Variants in DIAPH3 observed in about 807,000 individuals in gnomAD.
DIAPH3 encodes protein diaphanous homolog 3.
A neutral mutation model predicts 144.3 loss-of-function variants in DIAPH3; 117 were observed. The ratio of observed to expected loss-of-function variants is 0.81; its 90% confidence interval spans 0.70 to 0.95. The LOEUF (loss-of-function observed/expected upper bound fraction) is 0.95, where lower values mean the gene tolerates loss of function less well. Among genes scored for constraint, DIAPH3 ranks in the 40% least tolerant of loss-of-function variants. The probability of loss-of-function intolerance (pLI) is 0.00; values close to 1 mark genes in which losing one functional copy is unlikely to be tolerated. For synonymous variants in DIAPH3, 519 were observed against 488.9 expected, an observed-to-expected ratio of 1.06 and a Z score of -0.81; for missense variants, 1,421 against 1,412.7, an observed-to-expected ratio of 1.01 and a Z score of -0.09.
intron 17 of DIAPH3, among the ~76,000 whole-genome samples, chr13:59,947,092 T>C (rs978611995): frequency 2.0e-5 from 3 of 152,148 alleles, no homozygotes; most frequent in Non-Finnish European, 2.9e-5. Flanking sequence ...CCACTTAACC[T>C]TCATCAACCA....
At chr13:59,808,428 C>G (rs2040301529) in intron 25 of DIAPH3, among the ~76,000 whole-genome samples, 1 of 151,764 alleles carries the variant, frequency 6.6e-6, no homozygotes, top group South Asian at 2.1e-4. Context: ...TAGCAAAAAT[C>G]TTAAAAAATA....
intron 27 of DIAPH3, among the ~76,000 whole-genome samples, chr13:59,732,561 C>T (rs1360968272): frequency 6.6e-6 from 1 of 151,678 alleles, no homozygotes; most frequent in African/African-American, 2.4e-5. Context: ...CCCACCTCAG[C>T]CTCTCATGTA....
chr13:59,991,370 A>G, intron 11 of DIAPH3, 96 bp from the exon 12 acceptor site: 1 of 836,986 alleles, frequency 1.2e-6, no homozygotes, highest in Non-Finnish European at 2.0e-6. Flanking sequence ...TTGGAACTGT[A>G]ATACAGGCAT....
Position 59,991,300 on chromosome 13 carries a change from T to C in DIAPH3, c.1245-26A>G, listed in dbSNP as rs1279093689. The C allele has an allele frequency of 2.1e-6, 3 of 1,449,802 alleles. No homozygotes were observed. The East Asian group carries it at 6.8e-5, about 33-fold the overall frequency. The allele number at this position is 1,449,802 out of a possible 1,614,324, so 89.8% of individuals were successfully genotyped here. On this transcript the variant is annotated intron_variant, in intron 11 of 27. Coordinates refer to ENST00000400324, the MANE Select transcript of DIAPH3 (RefSeq NM_001042517.2). ...GTGAGTTGATTAAGGAATATATGGA[T>C]TTATTTATACTCTACACCAAACAAC...
In DIAPH3 at chr13:60,108,581, G is replaced by A. The variant is rs186050817; in HGVS notation, c.390+3429C>T. ...AGATCATGCCACTGCACTCCAGCCTGGGTGACACAGCAAGACTCCGTCTCG... is the reference window on the plus strand; with the variant it reads ...AGATCATGCCACTGCACTCCAGCCTAGGTGACACAGCAAGACTCCGTCTCG... On this transcript the variant is annotated intron_variant, in intron 3 of 27. Transcript: ENST00000400324. Among the ~76,000 whole-genome samples, 32 of 152,082 alleles carry A rather than the reference G, an allele frequency of 2.1e-4. 1 individual carries two copies. Among genetic ancestry groups the A allele is most frequent in the Admixed American group, 1.8e-3 (28 of 15,268 alleles).
intron 1 of DIAPH3, among the ~76,000 whole-genome samples, chr13:60,157,991 C>G (rs1952109946): frequency 6.6e-6 from 1 of 152,224 alleles, no homozygotes; most frequent in African/African-American, 2.4e-5. Flanking sequence ...CACCAGAACT[C>G]TGCCCTCTGG....
At chr13:59,960,355 T>C (rs1216728385) in intron 17 of DIAPH3, among the ~76,000 whole-genome samples, 1 of 152,208 alleles carries the variant, frequency 6.6e-6, no homozygotes, top group East Asian at 1.9e-4. Context: ...TAATGGCATA[T>C]AGTTCACTCA....
chr13:59,712,413 C>T (rs1461830115), intron 27 of DIAPH3, among the ~76,000 whole-genome samples: 6 of 152,210 alleles, frequency 3.9e-5, no homozygotes, highest in Non-Finnish European at 8.8e-5. Context: ...TTTTATTCCC[C>T]ATAAACAATC....
chr13:59,934,264 C>CT (rs1483050238), intron 17 of DIAPH3, among the ~76,000 whole-genome samples: 1 of 151,966 alleles, frequency 6.6e-6, no homozygotes, highest in Non-Finnish European at 1.5e-5. Flanking sequence ...AATATTAAGC[C>CT]TTTTAAGTTT....
At chr13:59,822,260 C>T (rs1200516339) in intron 24 of DIAPH3, among the ~76,000 whole-genome samples, 2 of 151,886 alleles carry the variant, frequency 1.3e-5, no homozygotes, top group African/African-American at 2.4e-5. Flanking sequence ...TTATTTTTAT[C>T]TCCCAATTAC....
At chr13:60,142,091 A>C (rs1287588579) in intron 1 of DIAPH3, among the ~76,000 whole-genome samples, 2 of 152,236 alleles carry the variant, frequency 1.3e-5, no homozygotes, top group Non-Finnish European at 1.5e-5. Flanking sequence ...GAGGAGGCAG[A>C]TCAGTCCCAG....
At chr13:59,961,367 C>T (rs1031893731) in intron 17 of DIAPH3, among the ~76,000 whole-genome samples, 5 of 152,308 alleles carry the variant, frequency 3.3e-5, no homozygotes, top group East Asian at 1.9e-4. Context: ...AGAAACTACG[C>T]TGTAAAAGCC....
At chr13:60,083,278 T>C (rs532541910) in intron 4 of DIAPH3, among the ~76,000 whole-genome samples, 2 of 152,176 alleles carry the variant, frequency 1.3e-5, no homozygotes, top group East Asian at 3.9e-4. Flanking sequence ...GAAATCAATA[T>C]ATTGAAAGCT....
At chr13:59,884,406 C>T (rs895853337) in intron 20 of DIAPH3, among the ~76,000 whole-genome samples, 3 of 151,946 alleles carry the variant, frequency 2.0e-5, no homozygotes, top group African/African-American at 7.3e-5. Context: ...CAAAACCATC[C>T]CCCTGCCATC....
At chr13:59,843,925 G>T (rs2042478786) in intron 22 of DIAPH3, among the ~76,000 whole-genome samples, 1 of 152,056 alleles carries the variant, frequency 6.6e-6, no homozygotes, top group Non-Finnish European at 1.5e-5. Context: ...ACAGGGAGGG[G>T]AACAACACAC....
At chr13:60,069,612 T>C (rs904975574) in intron 4 of DIAPH3, among the ~76,000 whole-genome samples, 2 of 152,162 alleles carry the variant, frequency 1.3e-5, no homozygotes, top group Admixed American at 6.6e-5. Context: ...TAGTTTTAGG[T>C]TTTACATTTA....
At chr13:60,103,437 G>GTT (rs2058329142) in intron 3 of DIAPH3, among the ~76,000 whole-genome samples, 1 of 152,090 alleles carries the variant, frequency 6.6e-6, no homozygotes, top group Non-Finnish European at 1.5e-5. Context: ...ATATATACAA[G>GTT]CAGCAAGTTG....
intron 18 of DIAPH3, among the ~76,000 whole-genome samples, chr13:59,921,037 T>C (rs2047483412): frequency 6.6e-6 from 1 of 151,204 alleles, no homozygotes; most frequent in Admixed American, 6.6e-5. Flanking sequence ...AAAAATGTAT[T>C]TAGAAAATTG....
intron 27 of DIAPH3, among the ~76,000 whole-genome samples, chr13:59,716,511 G>A (rs1199992801): frequency 1.3e-5 from 2 of 152,146 alleles, no homozygotes; most frequent in Non-Finnish European, 2.9e-5. Context: ...TAACAAAGAA[G>A]AAGTATCAGC....
Sources: gnomAD v4.1 joint callset for allele counts (sites outside exome capture counted in the v4.1 genomes callset) on GRCh38, gnomAD v4.1.1 for gene constraint, MANE v1.5 for transcripts, NCBI Gene and HGNC (gene_info 2026-07-23, HGNC 2026-07-21) for gene names.